RAPGEFL1: variants seen among roughly 807,000 people sequenced by gnomAD.
The protein encoded by RAPGEFL1 is Rap guanine nucleotide exchange factor like 1.
In RAPGEFL1, 31 loss-of-function variants were observed where a neutral mutation model predicts 64.4. That is an observed-to-expected ratio of 0.48 (90% CI 0.36 to 0.65). The LOEUF is 0.65. Among genes scored for constraint, RAPGEFL1 ranks in the 30% least tolerant of loss-of-function variants. The pLI, the probability that RAPGEFL1 is intolerant of heterozygous loss-of-function variation, is 0.00. For missense variants in RAPGEFL1, 682 were observed against 677.4 expected (o/e 1.01, Z -0.08); for synonymous variants, 331 against 274.1 (o/e 1.21, Z -2.05).
chr17:40,178,226 C>T lies in RAPGEFL1; in HGVS notation c.365C>T (p.Ser122Phe), dbSNP rs1168746261. 3.3e-6 allele frequency: 2 copies of T among 609,066 alleles called. No homozygotes were observed. Among genetic ancestry groups the T allele is most frequent in the South Asian group, 1.7e-5 (1 of 58,008 alleles). The allele number at this position is 609,066 out of a possible 1,614,324, so 37.7% of individuals were successfully genotyped here. The change falls in exon 1 of 15, where the codon TCC (serine) becomes TTC (phenylalanine). Residue 122 changes from serine to phenylalanine, a missense_variant. Transcript: ENST00000620260. ...GPLGGGGPLR[S>F]PSSYSSDELS... ...CTCGGGGGAGGGGGGCCCCTGCGCT[C>T]CCCTTCCTCCTACTCATCTGACGAG...
rs1465386088 is a variant in RAPGEFL1, at chr17:40,191,559, G to A, written c.1515-23G>A. The A allele has an allele frequency of 2.5e-6, 4 of 1,576,776 alleles. No individual in the cohort carries two copies. Among genetic ancestry groups the A allele is most frequent in the Non-Finnish European group, 3.4e-6 (4 of 1,162,552 alleles). ...GAGGCCCGCGCCGCCGCCCGCCCCT[G>A]ACCCCGCCTCCCACCCCCGCAGCTG... is the stretch of plus-strand genomic sequence containing the variant. On this transcript the variant is annotated intron_variant, in intron 9 of 14. Coordinates refer to ENST00000620260, the MANE Select transcript of RAPGEFL1 (RefSeq NM_016339.6). The surrounding 1 kb of genome is among the most constrained non-coding windows in gnomAD (Gnocchi z 5.1).
At chr17:40,184,933 T>C (rs907168344) in intron 4 of RAPGEFL1, among the ~76,000 whole-genome samples, 1 of 152,034 alleles carries the variant, frequency 6.6e-6, no homozygotes, top group Non-Finnish European at 1.5e-5. Flanking sequence ...GGGTGCACCA[T>C]GCCCAGCTAA....
In RAPGEFL1 at chr17:40,184,592, G is replaced by A. The variant is rs368493192; in HGVS notation, c.747G>A (p.Leu249=). 46 of 1,550,796 alleles carry A rather than the reference G, an allele frequency of 3.0e-5. No individual in the cohort carries two copies. Among genetic ancestry groups the A allele is most frequent in the Non-Finnish European group, 3.7e-5 (42 of 1,130,924 alleles). ...CCTCCTCTCTCCAGGATCTATACCT[G>A]CTAATTATGAAGGACGAGTCCCTTT... is the stretch of plus-strand genomic sequence containing the variant. The part of the protein sequence containing the change: ...GAGHIIKDLY[L]LIMKDESLYQ... Residue 249 remains leucine (L), a synonymous_variant, in exon 4 of 15, where the codon CTG becomes CTA. Coordinates refer to ENST00000620260, the MANE Select transcript of RAPGEFL1 (RefSeq NM_016339.6).
chr17:40,180,294 G>A (rs1031142094), intron 1 of RAPGEFL1, among the ~76,000 whole-genome samples: 1 of 152,120 alleles, frequency 6.6e-6, no homozygotes, highest in Admixed American at 6.5e-5. Context: ...GGTGCCACAC[G>A]CTCCGCTCAT....
rs899390186 is a variant in RAPGEFL1 at position 40,191,740 on chromosome 17, C to T, written c.1605+68C>T. ...CCGGGCTCCCCGAAGTGCGTCCTCC[C>T]GGGACGGCCGCCGGCCTGGAGGGAG... is the stretch of plus-strand genomic sequence containing the variant. On this transcript the variant is annotated intron_variant, in intron 10 of 14. Transcript: ENST00000620260. The surrounding 1 kb of genome is among the most constrained non-coding windows in gnomAD (Gnocchi z 5.1). 7 of 1,475,090 alleles carry T rather than the reference C, an allele frequency of 4.7e-6. No homozygotes were observed. The highest frequency in any genetic ancestry group is 2.4e-5 in the East Asian group (1 of 41,670). 91.4% of individuals were successfully genotyped at this position (1,475,090 alleles called of 1,614,324 possible).
rs757459571 is a variant in RAPGEFL1 at position 40,190,474 on chromosome 17, C to T, written c.1155C>T (p.Thr385=). 25 of 1,614,016 alleles carry T rather than the reference C, an allele frequency of 1.5e-5. No homozygotes were observed. In the East Asian group the frequency reaches 3.8e-4, roughly 24 times the overall value. ...AGCCCACTGAGGACTGTGTTTTCAC[C>T]GCACTGGGCATCAACAGCCACCTGT... ...LLQPTEDCVF[T]ALGINSHLFA... is the part of the protein sequence containing the mutation. Residue 385 remains threonine (T), a synonymous_variant, in exon 7 of 15, where the codon ACC becomes ACT. Transcript: ENST00000620260.
intron 1 of RAPGEFL1, among the ~76,000 whole-genome samples, chr17:40,179,756 G>A (rs1472092759): frequency 1.3e-5 from 2 of 152,116 alleles, no homozygotes; most frequent in Admixed American, 6.6e-5. Context: ...CTAATGGTGA[G>A]GGCTTTCACA....
Position 40,187,751 on chromosome 17 carries a change from C to T in RAPGEFL1, c.834-1115C>T, listed in dbSNP as rs191844582. On this transcript the variant is annotated intron_variant, in intron 4 of 14. Transcript: ENST00000620260. ...TCAGCCTTCTGAGTAGCTGGGACTACAGGCGCCTGCCACCACGCCCGGCTA... is the reference window on the plus strand; with the variant it reads ...TCAGCCTTCTGAGTAGCTGGGACTATAGGCGCCTGCCACCACGCCCGGCTA... 3.6e-4 allele frequency among the ~76,000 whole-genome samples: 55 copies of T among 151,798 alleles called. 1 individual carries two copies. In the East Asian group the frequency reaches 0.01, roughly 28 times the overall value.
At position 40,177,932 on chromosome 17, in the gene RAPGEFL1, C is replaced by T. The variant is rs1431496349; in HGVS notation, c.71C>T (p.Pro24Leu). Residue 24 changes from proline to leucine, a missense_variant, in exon 1 of 15, where the codon CCC becomes CTC. Pro to Leu is a moderately conservative substitution (Grantham distance 98, BLOSUM62 -3). Around this residue, in one of 2 missense-constraint regions of RAPGEFL1, gnomAD observed 271 missense variants for 158.0 expected, o/e 1.72. Transcript: ENST00000620260. ...QLAGRTVAGG[P>L]GGGLGSCGGP... ...GCGGGCCGAACGGTGGCGGGAGGTC[C>T]CGGCGGGGGTCTGGGGAGCTGCGGT... 2.3e-6 allele frequency: 1 copy of T among 425,706 alleles called. No individual in the cohort carries two copies. Among genetic ancestry groups the T allele is most frequent in the Non-Finnish European group, 4.2e-6 (1 of 239,882 alleles). 26.4% of individuals were successfully genotyped at this position (425,706 alleles called of 1,614,324 possible).
Position 40,191,612 on chromosome 17 carries a change from C to T in RAPGEFL1, c.1545C>T (p.Phe515=), listed in dbSNP as rs1192199044. 6.2e-7 allele frequency: 1 copy of T among 1,605,304 alleles called. No individual in the cohort carries two copies. The highest frequency in any genetic ancestry group is 1.3e-5 in the African/African-American group (1 of 74,564). The part of the protein sequence containing the change: ...LCKQNQDLLS[F]YAVVMGLDNA... ...AGCAGAACCAGGACCTGCTGTCTTT[C>T]TACGCCGTGGTCATGGGGCTGGACA... The change falls in exon 10 of 15, where the codon TTC becomes TTT. Residue 515 remains phenylalanine (F), a synonymous_variant. Transcript: ENST00000620260. This position sits in a 1 kb window ranked among gnomAD's most constrained non-coding sequence, Gnocchi z 5.1.
Position 40,178,304 on chromosome 17 carries a change from C to T in RAPGEFL1, c.443C>T (p.Pro148Leu). 1.6e-6 allele frequency: 1 copy of T among 628,438 alleles called. No individual in the cohort carries two copies. The highest frequency in any genetic ancestry group is 2.9e-6 in the Non-Finnish European group (1 of 347,636). 38.9% of individuals were successfully genotyped at this position (628,438 alleles called of 1,614,324 possible). A position where few individuals can be genotyped will look rare whatever the true frequency, so the allele number is the denominator to read the frequency against. Residue 148 changes from proline (P) to leucine (L), a missense_variant, in exon 1 of 15, where the codon CCC becomes CTC. This residue lies in a region of RAPGEFL1 where 271 missense variants were observed against 158.0 expected (regional missense o/e 1.72). Coordinates refer to ENST00000620260, the MANE Select transcript of RAPGEFL1 (RefSeq NM_016339.6). ...TSPPWAPLGA[P>L]ERPEHLLNRV... ...CCGCCCTGGGCCCCTCTGGGCGCCCCCGAGCGGCCCGAGCATCTTCTGAAC... is the reference window on the plus strand; with the variant it reads ...CCGCCCTGGGCCCCTCTGGGCGCCCTCGAGCGGCCCGAGCATCTTCTGAAC...
At chr17:40,177,395 G>C, upstream of RAPGEFL1, 1 of 698,160 alleles carries the variant, frequency 1.4e-6, no homozygotes, top group Non-Finnish European at 2.6e-6. Context: ...CGTGCGGCGC[G>C]GGGGCGAGCC....
chr17:40,193,118 G>A, intron 13 of RAPGEFL1, 128 bp downstream of exon 13: 3 of 1,029,934 alleles, frequency 2.9e-6, no homozygotes, highest in Non-Finnish European at 4.4e-6. Context: ...ACTCTTGACT[G>A]TCTCCCTGGT....
At chr17:40,177,164 G>C, upstream of RAPGEFL1, 1 of 702,610 alleles carries the variant, frequency 1.4e-6, no homozygotes, top group Non-Finnish European at 2.6e-6. Context: ...TCAGCAATCT[G>C]TAGGCCTGAC....
At position 40,191,660 on chromosome 17, in the gene RAPGEFL1, A is replaced by G; in HGVS notation, c.1593A>G (p.Arg531=). 1 of 1,611,284 alleles carries G rather than the reference A, an allele frequency of 6.2e-7. No individual in the cohort carries two copies. Among genetic ancestry groups the G allele is most frequent in the Non-Finnish European group, 8.5e-7 (1 of 1,179,172 alleles). ...ACAACGCCGCTGTCAGCCGCCTTCG[A>G]CTCACCTGGGAGGTGATGAGACCCC... The part of the protein sequence containing the change: ...GLDNAAVSRL[R]LTWEKLPGKF... The change falls in exon 10 of 15, where the codon CGA becomes CGG. Residue 531 remains arginine (R), a synonymous_variant. Coordinates refer to ENST00000620260, the MANE Select transcript of RAPGEFL1 (RefSeq NM_016339.6). The surrounding 1 kb of genome is among the most constrained non-coding windows in gnomAD (Gnocchi z 5.1).
chr17:40,180,060 A>G (rs559048062), intron 1 of RAPGEFL1, among the ~76,000 whole-genome samples: 90 of 152,250 alleles, frequency 5.9e-4, no homozygotes, highest in African/African-American at 2.1e-3. Context: ...TGGCCCCCAT[A>G]TCAGCATCTC....
intron 1 of RAPGEFL1, among the ~76,000 whole-genome samples, chr17:40,180,741 G>T (rs79281485): frequency 0.069 from 10,533 of 152,254 alleles, 504 homozygotes; most frequent in East Asian, 0.12. Flanking sequence ...TTCCTCCTCC[G>T]CCTGCATGGC....
chr17:40,179,141 A>T (rs1490919768), intron 1 of RAPGEFL1, among the ~76,000 whole-genome samples: 1 of 149,800 alleles, frequency 6.7e-6, no homozygotes, highest in Non-Finnish European at 1.5e-5. Flanking sequence ...ATCTCAGCTC[A>T]CTGCAACCTC....
chr17:40,189,527 A>C, intron 6 of RAPGEFL1, 152 bp downstream of exon 6: 1 of 865,716 alleles, frequency 1.2e-6, no homozygotes, highest in South Asian at 1.7e-5. Context: ...GGAACTTGTT[A>C]GGATGCAGCA....
Sources: allele counts gnomAD v4.1 joint callset (sites outside exome capture counted in the v4.1 genomes callset), GRCh38; gene constraint gnomAD v4.1.1; regional missense constraint gnomAD v4.1.1; non-coding constraint Gnocchi (gnomAD v3.1); transcripts MANE v1.5; gene names NCBI Gene and HGNC (gene_info 2026-07-23, HGNC 2026-07-21).